PORCN: variants seen among roughly 807,000 people sequenced by gnomAD.
The protein encoded by PORCN is porcupine O-acyltransferase.
In PORCN, 1 loss-of-function variant was observed where a neutral mutation model predicts 43.0. The ratio of observed to expected loss-of-function variants is 0.02; its 90% confidence interval spans 0.01 to 0.11. The LOEUF is 0.11. Ranked by LOEUF, PORCN falls within the 10% of genes least tolerant of loss-of-function variation. The pLI is 1.00. For missense variants in PORCN, 240 were observed against 392.1 expected (o/e 0.61, Z 3.28); for synonymous variants, 148 against 166.4 (o/e 0.89, Z 0.85).
chrX:48,514,472 C>A (rs886748658), intron 9 of PORCN, 53 bp from the exon 10 acceptor site: 50 of 1,183,912 alleles, frequency 4.2e-5, no homozygotes, highest in Non-Finnish European at 5.5e-5. Context: ...AGAAGTGTGG[C>A]GGTCAGATGA....
Position 48,509,817 on chromosome X carries a change from T to C in PORCN, c.-4T>C. ...ATCTGGCCATCCATCCGTGGGGGTC[T>C]GCAATGGCCACCTTTAGCCGCCAGG... is the stretch of plus-strand genomic sequence containing the variant. On this transcript the variant is annotated 5_prime_UTR_variant, in exon 2 of 15. Coordinates refer to ENST00000326194, the MANE Select transcript of PORCN (RefSeq NM_203475.3). 8.3e-7 allele frequency: 1 copy of C among 1,210,881 alleles called. No homozygotes were observed. The highest frequency in any genetic ancestry group is 1.1e-6 in the Non-Finnish European group (1 of 894,844).
At chrX:48,511,143 C>A in intron 2 of PORCN, 152 bp from the exon 3 acceptor site, 1 of 540,587 alleles carries the variant, frequency 1.8e-6, no homozygotes, top group Non-Finnish European at 3.1e-6. Context: ...ACGCCCTCTA[C>A]CCAGGTCATC....
chrX:48,511,901 C>T lies in PORCN; in HGVS notation c.339C>T (p.His113=). The T allele has an allele frequency of 8.3e-7, 1 of 1,210,242 alleles. No homozygotes were observed. Among genetic ancestry groups the T allele is most frequent in the African/African-American group, 1.7e-5 (1 of 57,560 alleles). Residue 113 remains histidine, a synonymous_variant, in exon 4 of 15, where the codon CAC becomes CAT. Coordinates refer to ENST00000326194, the MANE Select transcript of PORCN (RefSeq NM_203475.3). ...ILIYLLMGEM[H]MVDTVTWHKM... ...GCACCTTTTTCCTCAGTGAGATGCA[C>T]ATGGTAGACACCGTGACATGGCACA... is the stretch of plus-strand genomic sequence containing the variant.
rs1556974076 is a variant in PORCN at position 48,512,317 on chromosome X, C to T, written c.374-9C>T. On this transcript the variant is annotated splice_polypyrimidine_tract_variant and intron_variant, in intron 4 of 14. Transcript: ENST00000326194. The stretch of plus-strand genomic sequence containing the variant: ...TGCCCATCCACTTGACCATGGGCAC[C>T]ACACATAGGGGCACAGATGATTGTG... 8.3e-7 allele frequency: 1 copy of T among 1,209,407 alleles called. No individual in the cohort carries two copies. The highest frequency in any genetic ancestry group is 1.1e-6 in the Non-Finnish European group (1 of 894,908).
At chrX:48,512,238 T>C (rs1330424151) in intron 4 of PORCN, 88 bp from the exon 5 acceptor site, 10 of 1,079,604 alleles carry the variant, frequency 9.3e-6, no homozygotes, top group Non-Finnish European at 1.3e-5. Flanking sequence ...GTGCCCGCTT[T>C]TCCTACCACA....
rs1157115118 is a variant in PORCN, at chrX:48,520,244, A to G, written c.1285-131A>G. 9.6e-6 allele frequency: 5 copies of G among 521,430 alleles called. No homozygotes were observed. In the East Asian group the frequency reaches 1.4e-4, roughly 15 times the overall value. The allele number at this position is 521,430 out of a possible 1,213,427, so 43.0% of individuals were successfully genotyped here. A position where few individuals can be genotyped will look rare whatever the true frequency, so the allele number is the denominator to read the frequency against. On this transcript the variant is annotated intron_variant, in intron 14 of 14. Coordinates refer to ENST00000326194, the MANE Select transcript of PORCN (RefSeq NM_203475.3). ...CAAAAACTATATCTGGTCACCTTTC[A>G]TATGTACCTAGGCCCTTCTGCGGGG...
At chrX:48,513,997 C>A in intron 7 of PORCN, 130 bp from the exon 8 acceptor site, 1 of 747,572 alleles carries the variant, frequency 1.3e-6, no homozygotes, top group Non-Finnish European at 2.0e-6. Flanking sequence ...CTGTGTGTGA[C>A]TATCATAGTT....
At chrX:48,517,344 C>G (rs782304064) in intron 14 of PORCN, 51 bp downstream of exon 14, 2 of 892,316 alleles carry the variant, frequency 2.2e-6, no homozygotes, top group South Asian at 4.2e-5. Flanking sequence ...CGCTATCTGG[C>G]GGGGGGAAAC....
chrX:48,509,708 G>A (rs782242548), intron 1 of PORCN, 76 bp from the exon 2 acceptor site: 2 of 1,161,389 alleles, frequency 1.7e-6, no homozygotes, highest in East Asian at 3.3e-5. Context: ...AAACTGAAAT[G>A]TGAGTGCCAG....
intron 14 of PORCN, among the ~76,000 whole-genome samples, chrX:48,519,136 A>G (rs1315184700): frequency 9.0e-6 from 1 of 111,226 alleles, no homozygotes; most frequent in Non-Finnish European, 1.9e-5. Flanking sequence ...TACAGGTTAC[A>G]TGGTGAGACG....
intron 7 of PORCN, among the ~76,000 whole-genome samples, chrX:48,513,541 T>A (rs1216268118): frequency 8.9e-6 from 1 of 112,374 alleles, no homozygotes; most frequent in Non-Finnish European, 1.9e-5. Context: ...CCCTGGCTGC[T>A]GATTAGGTCT....
At chrX:48,509,593 G>A in intron 1 of PORCN, 191 bp from the exon 2 acceptor site, 1 of 1,124,820 alleles carries the variant, frequency 8.9e-7, no homozygotes, top group Non-Finnish European at 1.2e-6. Flanking sequence ...TGTGCATGCC[G>A]AACACCCACA....
chrX:48,515,998 G>C (rs370634341), intron 12 of PORCN, 45 bp downstream of exon 12: 6 of 1,202,798 alleles, frequency 5.0e-6, no homozygotes, highest in African/African-American at 1.8e-5. Context: ...AGGTTGGTGG[G>C]GGGGCTGGAG....
chrX:48,519,322 A>G (rs187651621), intron 14 of PORCN, among the ~76,000 whole-genome samples: 6 of 112,521 alleles, frequency 5.3e-5, no homozygotes, highest in Admixed American at 3.8e-4. Context: ...ATAAAAATAT[A>G]TTTTAATTCT....
intron 12 of PORCN, 26 bp from the exon 13 acceptor site, chrX:48,516,035 C>A: frequency 8.3e-7 from 1 of 1,207,145 alleles, no homozygotes. Flanking sequence ...CTAACCTGAC[C>A]CCCTTACCTC....
intron 2 of PORCN, among the ~76,000 whole-genome samples, chrX:48,510,743 GTCTATCTA>G (rs56109458): frequency 1.2e-4 from 13 of 108,850 alleles, no homozygotes; most frequent in Admixed American, 2.9e-4. Flanking sequence ...GGCTCTATCT[GTCTATCTA>G]TCTATCTATC....
chrX:48,520,719 C>A lies in PORCN; in HGVS notation c.*243C>A. 1 of 427,331 alleles carries A rather than the reference C, an allele frequency of 2.3e-6. No individual in the cohort carries two copies. Among genetic ancestry groups the A allele is most frequent in the Non-Finnish European group, 4.1e-6 (1 of 241,649 alleles). 35.2% of individuals were successfully genotyped at this position (427,331 alleles called of 1,213,427 possible). Reference sequence around the variant, plus strand: ...GCCTAGAGGGGGATGCTTGGGGAAACAGAGAAGGGGAGATCCAGGGCCTCC... The same window carrying A: ...GCCTAGAGGGGGATGCTTGGGGAAAAAGAGAAGGGGAGATCCAGGGCCTCC... On this transcript the variant is annotated 3_prime_UTR_variant, in exon 15 of 15. Transcript: ENST00000326194.
chrX:48,512,901 G>A lies in PORCN; in HGVS notation c.704+49G>A, dbSNP rs372285660. The A allele has an allele frequency of 2.5e-6, 3 of 1,197,280 alleles. No individual in the cohort carries two copies. The East Asian group carries it at 8.9e-5, about 35-fold the overall frequency. On this transcript the variant is annotated intron_variant, in intron 7 of 14. Coordinates refer to ENST00000326194, the MANE Select transcript of PORCN (RefSeq NM_203475.3). ...CACGTGGAGTGGGGCTGACATGAGT[G>A]GGGGCAGAGCCCATGACCAATGGGT... is the stretch of plus-strand genomic sequence containing the variant.
At chrX:48,519,099 G>T (rs2061740263) in intron 14 of PORCN, among the ~76,000 whole-genome samples, 1 of 111,186 alleles carries the variant, frequency 9.0e-6, no homozygotes, top group Non-Finnish European at 1.9e-5. Flanking sequence ...GAAAAGATTT[G>T]CTCCCACCCT....
Sources: allele counts gnomAD v4.1 joint callset (sites outside exome capture counted in the v4.1 genomes callset), GRCh38; gene constraint gnomAD v4.1.1; transcripts MANE v1.5; gene names NCBI Gene and HGNC (gene_info 2026-07-23, HGNC 2026-07-21).